The following MINDY3 variants were observed in gnomAD, a reference collection of about 807,000 sequenced individuals.
MINDY3 encodes ubiquitin carboxyl-terminal hydrolase MINDY-3.
A neutral mutation model predicts 69.2 loss-of-function variants in MINDY3; 38 were observed. The observed-to-expected ratio is 0.55, with a 90% CI of 0.42 to 0.72. The LOEUF (loss-of-function observed/expected upper bound fraction) is 0.72. Among genes scored for constraint, MINDY3 ranks in the 30% least tolerant of loss-of-function variants. The pLI is 0.00. For missense variants in MINDY3, 522 were observed against 519.0 expected, an observed-to-expected ratio of 1.01 and a Z score of -0.06; for synonymous variants, 192 against 180.1, an observed-to-expected ratio of 1.07 and a Z score of -0.53.
chr10:15,791,337 C>T (rs892601192), intron 11 of MINDY3, among the ~76,000 whole-genome samples: 2 of 151,870 alleles, frequency 1.3e-5, no homozygotes, highest in African/African-American at 4.8e-5. Flanking sequence ...TCTGACATTT[C>T]ACCAACTGAC....
At chr10:15,837,523 A>T in intron 5 of MINDY3, 1 of 1,445,768 alleles carries the variant, frequency 6.9e-7, no homozygotes, top group Non-Finnish European at 9.3e-7. Context: ...GATATTTATC[A>T]TTAAGAAAGA....
chr10:15,852,043 C>A (rs985045665), intron 1 of MINDY3, among the ~76,000 whole-genome samples: 9 of 152,134 alleles, frequency 5.9e-5, no homozygotes, highest in Admixed American at 2.0e-4. Flanking sequence ...TTTTTCAGGT[C>A]TCAGTTTAGG....
rs537483771 is a variant in MINDY3 at position 15,831,779 on chromosome 10, A to G, written c.730+1851T>C. 5.3e-5 allele frequency among the ~76,000 whole-genome samples: 8 copies of G among 151,180 alleles called. No homozygotes were observed. In the South Asian group the frequency reaches 1.7e-3, roughly 32 times the overall value. On this transcript the variant is annotated intron_variant, in intron 8 of 14. Coordinates refer to ENST00000277632, the MANE Select transcript of MINDY3 (RefSeq NM_024948.4). ...CAACCTCCGCCTCCCGGGTTCAAGCAATTCTCCTGCCTCAGCTTCCTGAGT... is the reference window on the plus strand; with the variant it reads ...CAACCTCCGCCTCCCGGGTTCAAGCGATTCTCCTGCCTCAGCTTCCTGAGT...
At chr10:15,840,359 A>G (rs535044576) in intron 4 of MINDY3, among the ~76,000 whole-genome samples, 4 of 151,732 alleles carry the variant, frequency 2.6e-5, no homozygotes, top group African/African-American at 4.8e-5. Flanking sequence ...TTCAAAAGGA[A>G]GCATCATATA....
Position 15,782,166 on chromosome 10 carries a change from A to G in MINDY3, c.1177T>C (p.Tyr393His). Residue 393 changes from tyrosine to histidine, a missense_variant, in exon 14 of 15, where the codon TAT becomes CAT. Tyr to His is a moderately conservative substitution (Grantham distance 83). Transcript: ENST00000277632. ...GTGAATTATCATACCTTTTCATTATAATTTGACTGCTTCAATCCATTGTAG... is the reference window on the plus strand; with the variant it reads ...GTGAATTATCATACCTTTTCATTATGATTTGACTGCTTCAATCCATTGTAG... ...YHYNGLKQSN[Y>H]NEKVMYVEGT... 1 of 1,609,116 alleles carries G rather than the reference A, an allele frequency of 6.2e-7. No individual in the cohort carries two copies. Among genetic ancestry groups the G allele is most frequent in the South Asian group, 1.1e-5 (1 of 90,694 alleles).
At chr10:15,836,819 G>A (rs932563248) in intron 6 of MINDY3, among the ~76,000 whole-genome samples, 7 of 151,508 alleles carry the variant, frequency 4.6e-5, no homozygotes, top group Admixed American at 2.0e-4. Flanking sequence ...AATAAGAATC[G>A]TGAGACATTA....
At chr10:15,855,132 C>T (rs1834601486) in intron 1 of MINDY3, among the ~76,000 whole-genome samples, 2 of 152,056 alleles carry the variant, frequency 1.3e-5, no homozygotes, top group South Asian at 4.1e-4. Flanking sequence ...CAGTGAGTTG[C>T]TTTTGTACTT....
rs200981269 is a variant in MINDY3, at chr10:15,779,137, A to G, written c.1193T>C (p.Met398Thr). 4 of 1,612,548 alleles carry G rather than the reference A, an allele frequency of 2.5e-6. No individual in the cohort carries two copies. Among genetic ancestry groups the G allele is most frequent in the Non-Finnish European group, 3.4e-6 (4 of 1,179,182 alleles). Residue 398 changes from methionine to threonine, a missense_variant, in exon 15 of 15, where the codon ATG (methionine) becomes ACG (threonine). Transcript: ENST00000277632. ...CACAACTGCAGTCCCTTCTACGTACATGACCTGTTGAACAAAATAAAGCCA... is the reference window on the plus strand; with the variant it reads ...CACAACTGCAGTCCCTTCTACGTACGTGACCTGTTGAACAAAATAAAGCCA... Reference protein sequence around the residue: ...LKQSNYNEKVMYVEGTAVVMG... With the variant: ...LKQSNYNEKVTYVEGTAVVMG...
chr10:15,851,469 A>G (rs978527990), intron 1 of MINDY3, among the ~76,000 whole-genome samples: 1 of 151,800 alleles, frequency 6.6e-6, no homozygotes, highest in African/African-American at 2.4e-5. Context: ...CATTTTCTCT[A>G]TGTCTCTTAC....
rs368970720 is a variant in MINDY3, at chr10:15,786,448, TCA to T, written c.1116+111_1116+112del. The T allele has an allele frequency of 4.5e-5, 32 of 704,422 alleles. No individual in the cohort carries two copies. The African/African-American group carries it at 5.0e-4, about 11-fold the overall frequency. The allele number at this position is 704,422 out of a possible 1,614,324, so 43.6% of individuals were successfully genotyped here. ...AAGGTTTCCATGTAACGGTGTTTTCTCAGTCTCATATCTGCGCATTAGGACAT... is the reference window on the plus strand; with the variant it reads ...AAGGTTTCCATGTAACGGTGTTTTCTGTCTCATATCTGCGCATTAGGACAT... On this transcript the variant is annotated intron_variant, in intron 13 of 14. Coordinates refer to ENST00000277632, the MANE Select transcript of MINDY3 (RefSeq NM_024948.4).
At chr10:15,857,079 A>G (rs1230987535) in intron 1 of MINDY3, among the ~76,000 whole-genome samples, 2 of 152,158 alleles carry the variant, frequency 1.3e-5, no homozygotes, top group Non-Finnish European at 2.9e-5. Context: ...AAGTCCTTCT[A>G]ATGGCCTAGA....
intron 10 of MINDY3, among the ~76,000 whole-genome samples, chr10:15,805,006 T>C (rs949422266): frequency 5.3e-5 from 8 of 152,156 alleles, no homozygotes; most frequent in African/African-American, 1.9e-4. Context: ...TCTGACGTTC[T>C]TCCTCTAGAA....
chr10:15,818,260 G>A (rs1588580145), intron 9 of MINDY3, among the ~76,000 whole-genome samples: 1 of 151,662 alleles, frequency 6.6e-6, no homozygotes, highest in African/African-American at 2.4e-5. Context: ...GTGTGGTGAA[G>A]AGATTAGATA....
At chr10:15,841,186 TA>T (rs1833440823) in intron 4 of MINDY3, among the ~76,000 whole-genome samples, 1 of 151,390 alleles carries the variant, frequency 6.6e-6, no homozygotes, top group Non-Finnish European at 1.5e-5. Flanking sequence ...AAGCAGAAGT[TA>T]ACCAGAACAT....
At chr10:15,838,956 A>G (rs1205666034) in intron 4 of MINDY3, among the ~76,000 whole-genome samples, 1 of 151,662 alleles carries the variant, frequency 6.6e-6, no homozygotes, top group Non-Finnish European at 1.5e-5. Flanking sequence ...AAACCCTCTT[A>G]GCTCCATTTT....
intron 14 of MINDY3, among the ~76,000 whole-genome samples, chr10:15,780,437 A>C (rs149712885): frequency 0.01 from 1,589 of 152,332 alleles, 25 homozygotes; most frequent in African/African-American, 0.034. Context: ...ATACACAAAG[A>C]ATATAATTCA....
intron 9 of MINDY3, among the ~76,000 whole-genome samples, chr10:15,819,856 G>C (rs1413995572): frequency 6.6e-6 from 1 of 152,160 alleles, no homozygotes; most frequent in Non-Finnish European, 1.5e-5. Flanking sequence ...AGCAGCGATT[G>C]ACTTCCCACT....
chr10:15,811,078 C>A (rs1838965657), intron 10 of MINDY3, among the ~76,000 whole-genome samples: 1 of 151,900 alleles, frequency 6.6e-6, no homozygotes, highest in Admixed American at 6.6e-5. Flanking sequence ...TCAAACTCTG[C>A]CAATTATTTT....
At chr10:15,816,411 T>G (rs551004338) in intron 10 of MINDY3, among the ~76,000 whole-genome samples, 1 of 152,084 alleles carries the variant, frequency 6.6e-6, no homozygotes, top group South Asian at 2.1e-4. Flanking sequence ...TTGACTTTAA[T>G]ACCATTGAAT....
Sources: allele counts gnomAD v4.1 joint callset (sites outside exome capture counted in the v4.1 genomes callset), GRCh38; gene constraint gnomAD v4.1.1; transcripts MANE v1.5; gene names NCBI Gene and HGNC (gene_info 2026-07-23, HGNC 2026-07-21).